Variants in APBB2 observed in about 807,000 individuals in gnomAD.
The protein encoded by APBB2 is Fe65-like 1.
APBB2 carries 38 observed loss-of-function variants against 82.5 expected under a neutral mutation model. That is an observed-to-expected ratio of 0.46 (90% confidence interval 0.36 to 0.60). The LOEUF is 0.60. APBB2 is among the 20% of genes least tolerant of loss of function. The probability of loss-of-function intolerance (pLI) is 0.00; values close to 1 mark genes in which losing one functional copy is unlikely to be tolerated. For missense variants in APBB2, 772 were observed against 972.3 expected, an observed-to-expected ratio of 0.79 and a Z score of 2.74; for synonymous variants, 341 against 368.2, an observed-to-expected ratio of 0.93 and a Z score of 0.85.
chr4:41,082,584 T>A (rs1738061190), intron 3 of APBB2, among the ~76,000 whole-genome samples: 1 of 151,798 alleles, frequency 6.6e-6, no homozygotes, highest in Admixed American at 6.6e-5. Flanking sequence ...TTTTTTTTTT[T>A]TTTAAGAGTT....
chr4:40,964,262 T>C (rs1794026896), intron 6 of APBB2, among the ~76,000 whole-genome samples: 1 of 152,188 alleles, frequency 6.6e-6, no homozygotes, highest in Admixed American at 6.5e-5. Flanking sequence ...GACCCTCTTT[T>C]GTGGCCACTG....
chr4:41,193,567 A>G, intron 1 of APBB2: 6 of 985,262 alleles, frequency 6.1e-6, no homozygotes, highest in Non-Finnish European at 7.2e-6. Flanking sequence ...GGACTCCCCA[A>G]GGTAAGCTAC....
At chr4:41,092,604 G>A (rs1742124548) in intron 3 of APBB2, among the ~76,000 whole-genome samples, 2 of 150,974 alleles carry the variant, frequency 1.3e-5, no homozygotes, top group South Asian at 2.1e-4. Context: ...CAGGAGAATC[G>A]CTTGAACCCG....
At chr4:41,108,719 G>C (rs574501647) in intron 2 of APBB2, among the ~76,000 whole-genome samples, 35 of 152,316 alleles carry the variant, frequency 2.3e-4, no homozygotes, top group African/African-American at 7.2e-4. Context: ...CTGCATCAAG[G>C]GCAGTGTCTG....
chr4:41,042,992 G>A (rs1207955660), intron 4 of APBB2, among the ~76,000 whole-genome samples: 1 of 152,180 alleles, frequency 6.6e-6, no homozygotes, highest in Non-Finnish European at 1.5e-5. Flanking sequence ...AAGGTATAAT[G>A]CTATGTGAGG....
At chr4:40,851,727 T>C (rs1759433548) in intron 12 of APBB2, among the ~76,000 whole-genome samples, 1 of 29,030 alleles carries the variant, frequency 3.4e-5, no homozygotes, top group African/African-American at 1.5e-4. Flanking sequence ...CATATATATA[T>C]ATATATATAT....
intron 2 of APBB2, among the ~76,000 whole-genome samples, chr4:41,104,657 C>T (rs145198727): frequency 6.6e-6 from 1 of 152,258 alleles, no homozygotes; most frequent in Non-Finnish European, 1.5e-5. Context: ...CTGCCACTCT[C>T]CTCCCTCAAG....
intron 2 of APBB2, among the ~76,000 whole-genome samples, chr4:41,142,443 T>A (rs916448966): frequency 6.6e-6 from 1 of 152,104 alleles, no homozygotes; most frequent in Non-Finnish European, 1.5e-5. Flanking sequence ...CTGCAGAAAA[T>A]GAAATGTGTT....
intron 1 of APBB2, among the ~76,000 whole-genome samples, chr4:41,184,586 C>T (rs2154066181): frequency 6.6e-6 from 1 of 152,336 alleles, no homozygotes; most frequent in East Asian, 1.9e-4. Context: ...CCCCCTCATC[C>T]ACTTTATTTT....
chr4:41,061,035 A>C (rs1195799569), intron 4 of APBB2, among the ~76,000 whole-genome samples: 2 of 152,216 alleles, frequency 1.3e-5, no homozygotes, highest in Non-Finnish European at 2.9e-5. Flanking sequence ...AAACATTTTC[A>C]GCAGGGAAGC....
intron 12 of APBB2, among the ~76,000 whole-genome samples, chr4:40,887,974 A>G (rs1403044946): frequency 6.6e-6 from 1 of 152,096 alleles, no homozygotes; most frequent in Non-Finnish European, 1.5e-5. Flanking sequence ...GGACAACTGA[A>G]CTCATTAGGG....
intron 1 of APBB2, among the ~76,000 whole-genome samples, chr4:41,209,376 A>G (rs999991454): frequency 3.9e-5 from 6 of 152,348 alleles, no homozygotes; most frequent in African/African-American, 1.2e-4. Flanking sequence ...TGCTAATGAC[A>G]CTGAGTAGAC....
At chr4:40,897,586 T>C (rs1432530985) in intron 10 of APBB2, among the ~76,000 whole-genome samples, 2 of 152,204 alleles carry the variant, frequency 1.3e-5, no homozygotes, top group Non-Finnish European at 2.9e-5. Flanking sequence ...AGTGAGTTTA[T>C]TTAAAATCAT....
intron 7 of APBB2, among the ~76,000 whole-genome samples, chr4:40,939,711 C>T (rs2154377948): frequency 6.6e-6 from 1 of 152,356 alleles, no homozygotes; most frequent in South Asian, 2.1e-4. Context: ...CCTCTCACCT[C>T]AGCCTCTCAA....
intron 17 of APBB2, among the ~76,000 whole-genome samples, chr4:40,818,738 A>G (rs562305417): frequency 6.6e-6 from 1 of 152,282 alleles, no homozygotes; most frequent in South Asian, 2.1e-4. Context: ...ACTCTCACAG[A>G]GGATGGTGTA....
intron 12 of APBB2, chr4:40,890,163 T>G (rs1771546865): frequency 1.6e-6 from 1 of 632,590 alleles, no homozygotes; most frequent in South Asian, 2.7e-5. Context: ...ACAAAAGATT[T>G]GAGATACAGA....
chr4:40,840,748 T>C (rs893751225), intron 12 of APBB2, among the ~76,000 whole-genome samples: 1 of 152,204 alleles, frequency 6.6e-6, no homozygotes, highest in Non-Finnish European at 1.5e-5. Flanking sequence ...TCTGAAATTC[T>C]ACCACCTGCA....
chr4:41,205,649 C>T (rs1420419912), intron 1 of APBB2, among the ~76,000 whole-genome samples: 1 of 152,142 alleles, frequency 6.6e-6, no homozygotes, highest in Non-Finnish European at 1.5e-5. Flanking sequence ...AGCTCAACTG[C>T]CCTGGATACT....
chr4:41,114,730 A>T (rs1750382468), intron 2 of APBB2, among the ~76,000 whole-genome samples: 1 of 152,190 alleles, frequency 6.6e-6, no homozygotes, highest in Admixed American at 6.5e-5. Flanking sequence ...CAACTGCTAC[A>T]AAAAGAATAA....
Sources: allele counts gnomAD v4.1 joint callset (sites outside exome capture counted in the v4.1 genomes callset), GRCh38; gene constraint gnomAD v4.1.1; transcripts MANE v1.5; gene names NCBI Gene and HGNC (gene_info 2026-07-23, HGNC 2026-07-21).